The following AUTS2 variants were observed in gnomAD, a reference collection of about 807,000 sequenced individuals.
The protein encoded by AUTS2 is autism susceptibility gene 2 protein.
Under a neutral mutation model 112.4 loss-of-function variants are expected in AUTS2, and 17 were observed. The ratio of observed to expected loss-of-function variants is 0.15; its 90% CI spans 0.10 to 0.23. The LOEUF (loss-of-function observed/expected upper bound fraction) is 0.23. AUTS2 is among the 10% of genes least tolerant of loss of function. The pLI, the probability that AUTS2 is intolerant of heterozygous loss-of-function variation, is 1.00. For synonymous variants in AUTS2, 751 were observed against 702.7 expected (o/e 1.07, Z -1.09); for missense variants, 1,510 against 1,701.6 (o/e 0.89, Z 1.98).
chr7:70,345,702 T>G (rs948678754), intron 4 of AUTS2, among the ~76,000 whole-genome samples: 1 of 152,214 alleles, frequency 6.6e-6, no homozygotes, highest in Non-Finnish European at 1.5e-5. Context: ...CCCCTTAGTA[T>G]GCATCATGAG....
At chr7:70,470,894 G>A (rs374900606) in intron 5 of AUTS2, among the ~76,000 whole-genome samples, 4 of 152,136 alleles carry the variant, frequency 2.6e-5, no homozygotes, top group East Asian at 1.9e-4. Flanking sequence ...TCTGACCCGC[G>A]GCAGTGTGTT....
intron 2 of AUTS2, among the ~76,000 whole-genome samples, chr7:69,961,354 A>AT (rs2129546995): frequency 6.6e-6 from 1 of 152,242 alleles, no homozygotes; most frequent in African/African-American, 2.4e-5. Flanking sequence ...TGTCTCTTGA[A>AT]TTTGAGTGTT....
intron 4 of AUTS2, among the ~76,000 whole-genome samples, chr7:70,385,616 G>T (rs541904694): frequency 2.0e-5 from 3 of 152,304 alleles, no homozygotes; most frequent in Non-Finnish European, 4.4e-5. Context: ...TGCACCTGCA[G>T]TCCCAGCTAC....
intron 2 of AUTS2, among the ~76,000 whole-genome samples, chr7:69,902,204 T>C (rs1794996913): frequency 6.6e-6 from 1 of 152,176 alleles, no homozygotes; most frequent in Non-Finnish European, 1.5e-5. Flanking sequence ...ATCTGTTATG[T>C]GATCATTGGT....
At chr7:70,363,141 A>G (rs954165164) in intron 4 of AUTS2, among the ~76,000 whole-genome samples, 1 of 152,182 alleles carries the variant, frequency 6.6e-6, no homozygotes, top group Admixed American at 6.5e-5. Flanking sequence ...TTTTCATTGT[A>G]TTAACTGTTG....
intron 4 of AUTS2, among the ~76,000 whole-genome samples, chr7:70,270,747 C>T (rs1787653618): frequency 6.6e-6 from 1 of 152,144 alleles, no homozygotes; most frequent in Non-Finnish European, 1.5e-5. Flanking sequence ...AAATAGAGTG[C>T]AGCAGAATGA....
At chr7:70,299,944 A>G (rs1562862228) in intron 4 of AUTS2, among the ~76,000 whole-genome samples, 2 of 152,130 alleles carry the variant, frequency 1.3e-5, no homozygotes, top group South Asian at 2.1e-4. Flanking sequence ...TGATCTGTCA[A>G]TGACACAGAA....
At chr7:69,845,413 GT>G (rs143282442) in intron 1 of AUTS2, among the ~76,000 whole-genome samples, 1 of 152,092 alleles carries the variant, frequency 6.6e-6, no homozygotes, top group African/African-American at 2.4e-5. Flanking sequence ...CCTGAGGCTC[GT>G]CTCATTGCCT....
chr7:70,219,513 T>C (rs893181389), intron 4 of AUTS2, among the ~76,000 whole-genome samples: 2 of 151,940 alleles, frequency 1.3e-5, no homozygotes, highest in Admixed American at 1.3e-4. Flanking sequence ...CATTTGTATA[T>C]AACATTTGTT....
chr7:69,864,589 C>T (rs960237951), intron 1 of AUTS2, among the ~76,000 whole-genome samples: 1 of 152,178 alleles, frequency 6.6e-6, no homozygotes, highest in Non-Finnish European at 1.5e-5. Context: ...GCAGCAGGAG[C>T]ATTGTTTACT....
rs1198791307 is a variant in AUTS2 at position 70,034,013 on chromosome 7, T to C, written c.523-84119T>C. On this transcript the variant is annotated intron_variant, in intron 2 of 18. Coordinates refer to ENST00000342771, the MANE Select transcript of AUTS2 (RefSeq NM_015570.4). ...TAAATGTTAGAGGTGATGGGTATGC[T>C]AATTATCCTGATTTGATCATTATAC... 2.0e-5 allele frequency among the ~76,000 whole-genome samples: 3 copies of C among 152,340 alleles called. No individual in the cohort carries two copies. The East Asian group carries it at 5.8e-4, about 29-fold the overall frequency.
At chr7:70,435,948 C>T (rs565029941) in intron 5 of AUTS2, 167 bp downstream of exon 5, 17 of 615,156 alleles carry the variant, frequency 2.8e-5, no homozygotes, top group Admixed American at 9.5e-5. Context: ...TGCTATGACA[C>T]GTTTAATTTG....
chr7:69,611,200 C>A (rs564192986), intron 1 of AUTS2, among the ~76,000 whole-genome samples: 2 of 152,126 alleles, frequency 1.3e-5, no homozygotes, highest in Non-Finnish European at 2.9e-5. Context: ...GCCAGCATCA[C>A]GTTTTTGTTT....
At chr7:70,689,138 C>G (rs1430358262) in intron 5 of AUTS2, among the ~76,000 whole-genome samples, 2 of 152,088 alleles carry the variant, frequency 1.3e-5, no homozygotes, top group Non-Finnish European at 2.9e-5. Flanking sequence ...AGGAGGATCA[C>G]TTGAGGCCAC....
At chr7:69,972,191 G>A (rs1797877227) in intron 2 of AUTS2, among the ~76,000 whole-genome samples, 1 of 152,068 alleles carries the variant, frequency 6.6e-6, no homozygotes, top group Admixed American at 6.6e-5. Flanking sequence ...TTTCCCTAAT[G>A]GCTAATAATG....
chr7:70,163,345 G>T (rs1259085837), intron 4 of AUTS2, among the ~76,000 whole-genome samples: 3 of 29,146 alleles, frequency 1.0e-4, no homozygotes, highest in South Asian at 2.4e-3. Context: ...TTGTGGTGGT[G>T]GGGGGGGGGG....
chr7:69,987,398 A>T (rs778300408), intron 2 of AUTS2, among the ~76,000 whole-genome samples: 3 of 152,222 alleles, frequency 2.0e-5, no homozygotes, highest in Non-Finnish European at 2.9e-5. Context: ...ATAGTATTGA[A>T]TAAATATTAA....
At chr7:69,651,156 G>A (rs563284819) in intron 1 of AUTS2, among the ~76,000 whole-genome samples, 39 of 152,328 alleles carry the variant, frequency 2.6e-4, no homozygotes, top group African/African-American at 8.7e-4. Context: ...CTGCCTGGGC[G>A]TGACTGGTCT....
intron 2 of AUTS2, among the ~76,000 whole-genome samples, chr7:70,081,609 G>GC (rs1393086703): frequency 1.3e-5 from 2 of 151,916 alleles, no homozygotes. Flanking sequence ...ATGGTCTTTT[G>GC]CCTCTTTCTA....
Sources: allele counts gnomAD v4.1 joint callset (sites outside exome capture counted in the v4.1 genomes callset), GRCh38; gene constraint gnomAD v4.1.1; transcripts MANE v1.5; gene names NCBI Gene and HGNC (gene_info 2026-07-23, HGNC 2026-07-21).